The following ADGB variants were observed in gnomAD, a reference collection of about 807,000 sequenced individuals.
ADGB encodes androglobin.
In ADGB, 172 loss-of-function variants were observed where a neutral mutation model predicts 210.5. The ratio of observed to expected loss-of-function variants is 0.82; its 90% CI spans 0.72 to 0.93. The LOEUF is 0.93. ADGB is among the 40% of genes least tolerant of loss of function. The pLI is 0.00. For synonymous variants in ADGB, 658 were observed against 662.7 expected, an observed-to-expected ratio of 0.99 and a Z score of 0.11; for missense variants, 2,025 against 1,964.8, an observed-to-expected ratio of 1.03 and a Z score of -0.58.
At chr6:146,726,041 C>A in intron 18 of ADGB, 42 bp from the exon 19 acceptor site, 1 of 1,334,714 alleles carries the variant, frequency 7.5e-7, no homozygotes, top group Non-Finnish European at 1.0e-6. Context: ...ATGCCACCAC[C>A]CAGGAAGCAC....
intron 5 of ADGB, among the ~76,000 whole-genome samples, chr6:146,661,140 C>T (rs1042243188): frequency 6.6e-6 from 1 of 151,852 alleles, no homozygotes; most frequent in Non-Finnish European, 1.5e-5. Context: ...AATACTTTAC[C>T]ACCATTTAGT....
At chr6:146,779,857 C>T (rs1336167736) in intron 29 of ADGB, among the ~76,000 whole-genome samples, 1 of 67,584 alleles carries the variant, frequency 1.5e-5, no homozygotes, top group African/African-American at 7.0e-5. Context: ...GAAGGTCTTC[C>T]AGCTATAAAA....
chr6:146,730,960 T>G (rs917415971), intron 20 of ADGB, among the ~76,000 whole-genome samples: 2 of 152,052 alleles, frequency 1.3e-5, no homozygotes, highest in Non-Finnish European at 2.9e-5. Flanking sequence ...AAATAAGATT[T>G]ACATACATTT....
chr6:146,811,439 G>GTT (rs1554260293), intron 35 of ADGB, among the ~76,000 whole-genome samples: 1 of 91,546 alleles, frequency 1.1e-5, no homozygotes, highest in Non-Finnish European at 2.2e-5. Flanking sequence ...GTCTTTGTGT[G>GTT]TTTATATATA....
At chr6:146,783,967 A>T (rs1411189067) in intron 30 of ADGB, among the ~76,000 whole-genome samples, 2 of 152,196 alleles carry the variant, frequency 1.3e-5, no homozygotes, top group Non-Finnish European at 2.9e-5. Context: ...TTATGAAGAG[A>T]TGCTATGAGT....
At chr6:146,644,681 C>A in intron 2 of ADGB, 92 bp from the exon 3 acceptor site, 1 of 744,850 alleles carries the variant, frequency 1.3e-6, no homozygotes, top group Non-Finnish European at 2.0e-6. Context: ...TATTGATTGA[C>A]CAAATCTATG....
chr6:146,708,348 C>G (rs1776605875), intron 13 of ADGB, among the ~76,000 whole-genome samples: 1 of 151,986 alleles, frequency 6.6e-6, no homozygotes, highest in Non-Finnish European at 1.5e-5. Context: ...TTACTGATTA[C>G]CATTCTTTTC....
intron 10 of ADGB, 90 bp from the exon 11 acceptor site, chr6:146,691,026 A>T: frequency 9.2e-7 from 1 of 1,082,278 alleles, no homozygotes; most frequent in Non-Finnish European, 1.2e-6. Flanking sequence ...CTACCACCAT[A>T]TTGCTCTGTT....
At chr6:146,726,512 C>G (rs776420117) in intron 19 of ADGB, among the ~76,000 whole-genome samples, 1 of 152,154 alleles carries the variant, frequency 6.6e-6, no homozygotes, top group Non-Finnish European at 1.5e-5. Flanking sequence ...CATGAGCCAC[C>G]GCACCCAGCC....
intron 1 of ADGB, among the ~76,000 whole-genome samples, chr6:146,627,809 A>G (rs1212128781): frequency 6.6e-6 from 1 of 151,964 alleles, no homozygotes; most frequent in Non-Finnish European, 1.5e-5. Context: ...CCAAACACTC[A>G]TCTCCTTCTG....
chr6:146,812,556 A>G (rs1276136511), intron 35 of ADGB, among the ~76,000 whole-genome samples: 1 of 152,244 alleles, frequency 6.6e-6, no homozygotes, highest in Admixed American at 6.5e-5. Flanking sequence ...TTTATATCAG[A>G]TAAGGTGAAC....
At chr6:146,813,950 C>T (rs567602268) in intron 35 of ADGB, among the ~76,000 whole-genome samples, 1 of 152,222 alleles carries the variant, frequency 6.6e-6, no homozygotes, top group Admixed American at 6.5e-5. Flanking sequence ...ATGTTTTATA[C>T]TCATTCCTCA....
chr6:146,714,132 C>T (rs1024229389), intron 13 of ADGB, among the ~76,000 whole-genome samples: 2 of 152,124 alleles, frequency 1.3e-5, no homozygotes, highest in African/African-American at 2.4e-5. Flanking sequence ...AGAATCTCTC[C>T]TCAATTGTTT....
chr6:146,764,184 T>C (rs1447526893), intron 28 of ADGB, 84 bp downstream of exon 28: 1 of 1,260,904 alleles, frequency 7.9e-7, no homozygotes, highest in Non-Finnish European at 1.1e-6. Flanking sequence ...AAATAGTCAA[T>C]ATACAGTGTG....
chr6:146,634,820 C>A (rs1775382197), intron 1 of ADGB, among the ~76,000 whole-genome samples: 2 of 151,784 alleles, frequency 1.3e-5, no homozygotes, highest in South Asian at 2.1e-4. Flanking sequence ...ATCGACCACC[C>A]CCCCAAATTT....
At chr6:146,649,354 C>A (rs1191285171) in intron 3 of ADGB, among the ~76,000 whole-genome samples, 1 of 151,882 alleles carries the variant, frequency 6.6e-6, no homozygotes, top group Admixed American at 6.6e-5. Flanking sequence ...TTGTTTTTGG[C>A]TGGGTTGATA....
At chr6:146,793,221 A>G (rs113838727) in intron 33 of ADGB, among the ~76,000 whole-genome samples, 2 of 125,176 alleles carry the variant, frequency 1.6e-5, no homozygotes, top group Non-Finnish European at 3.2e-5. Context: ...TTTACAGAGC[A>G]CTGATTGGTG....
At chr6:146,708,868 C>T (rs2114554793) in intron 13 of ADGB, among the ~76,000 whole-genome samples, 1 of 152,224 alleles carries the variant, frequency 6.6e-6, no homozygotes, top group African/African-American at 2.4e-5. Context: ...TGATATTGCC[C>T]CATAAACTGT....
intron 10 of ADGB, among the ~76,000 whole-genome samples, chr6:146,686,537 AT>A (rs35414659): frequency 6.6e-6 from 1 of 151,948 alleles, no homozygotes; most frequent in African/African-American, 2.4e-5. Context: ...TATTGTTAAC[AT>A]TTTTTTCATG....
Sources: allele counts gnomAD v4.1 joint callset (sites outside exome capture counted in the v4.1 genomes callset), GRCh38; gene constraint gnomAD v4.1.1; transcripts MANE v1.5; gene names NCBI Gene and HGNC (gene_info 2026-07-23, HGNC 2026-07-21).